The following CSMD1 variants were observed in gnomAD, a reference collection of about 807,000 sequenced individuals.
The protein encoded by CSMD1 is CUB and Sushi multiple domains 1, also known as CUB and sushi domain-containing protein 1.
In CSMD1, 213 loss-of-function variants were observed where a neutral mutation model predicts 417.5. That is an observed-to-expected ratio of 0.51 (90% CI 0.46 to 0.57). The LOEUF is 0.57. Ranked by LOEUF, CSMD1 falls within the 20% of genes least tolerant of loss-of-function variation. The pLI, the probability that CSMD1 is intolerant of heterozygous loss-of-function variation, is 0.00. For synonymous variants in CSMD1, 2,862 were observed against 1,736.8 expected (o/e 1.65, Z -16.11); for missense variants, 6,923 against 4,529.7 (o/e 1.53, Z -15.17).
At chr8:4,033,188 C>T (rs918807810) in intron 3 of CSMD1, among the ~76,000 whole-genome samples, 2 of 148,068 alleles carry the variant, frequency 1.4e-5, no homozygotes, top group Non-Finnish European at 3.0e-5. Flanking sequence ...CGCCTGTAGT[C>T]CCAGCACTTT....
At chr8:3,927,797 T>G (rs1044690196) in intron 5 of CSMD1, among the ~76,000 whole-genome samples, 3 of 152,174 alleles carry the variant, frequency 2.0e-5, no homozygotes, top group African/African-American at 7.2e-5. Context: ...CTACCAAATA[T>G]TTTAGTTTTA....
intron 3 of CSMD1, among the ~76,000 whole-genome samples, chr8:4,108,241 A>G (rs946082692): frequency 6.6e-6 from 1 of 152,124 alleles, no homozygotes; most frequent in Non-Finnish European, 1.5e-5. Context: ...TTTAATATTT[A>G]ATTTCTATAG....
chr8:4,118,880 G>C (rs1050268357), intron 3 of CSMD1, among the ~76,000 whole-genome samples: 2 of 152,148 alleles, frequency 1.3e-5, no homozygotes, highest in Non-Finnish European at 2.9e-5. Context: ...AAGAAATGTG[G>C]CACATATACA....
intron 1 of CSMD1, among the ~76,000 whole-genome samples, chr8:4,666,224 T>G (rs1174488659): frequency 1.3e-5 from 2 of 152,126 alleles, no homozygotes; most frequent in Non-Finnish European, 2.9e-5. Context: ...ATATATTATT[T>G]AATGTGGTGG....
At chr8:4,318,860 G>T (rs1218320846) in intron 3 of CSMD1, among the ~76,000 whole-genome samples, 1 of 152,122 alleles carries the variant, frequency 6.6e-6, no homozygotes, top group Non-Finnish European at 1.5e-5. Flanking sequence ...TTACAAGATA[G>T]ATAACATCAG....
At chr8:3,028,084 G>A (rs1249273840) in intron 51 of CSMD1, among the ~76,000 whole-genome samples, 1 of 152,194 alleles carries the variant, frequency 6.6e-6, no homozygotes, top group Admixed American at 6.5e-5. Context: ...ACAAGAAAAC[G>A]CTGTACTGCG....
chr8:4,281,785 G>A (rs970145599), intron 3 of CSMD1, among the ~76,000 whole-genome samples: 2 of 152,026 alleles, frequency 1.3e-5, no homozygotes, highest in Admixed American at 6.5e-5. Context: ...AGTGATAACT[G>A]TATTAAAACT....
At chr8:4,638,470 C>T (rs1250901228) in intron 1 of CSMD1, among the ~76,000 whole-genome samples, 2 of 152,100 alleles carry the variant, frequency 1.3e-5, no homozygotes, top group Non-Finnish European at 2.9e-5. Context: ...AGTTAAATGA[C>T]GCTAAAATGA....
chr8:4,182,104 A>G (rs75050679), intron 3 of CSMD1, among the ~76,000 whole-genome samples: 1 of 152,104 alleles, frequency 6.6e-6, no homozygotes, highest in South Asian at 2.1e-4. Flanking sequence ...TAGCATTTCA[A>G]TGCTAAAACT....
At chr8:4,459,024 C>G (rs1343992159) in intron 2 of CSMD1, among the ~76,000 whole-genome samples, 1 of 152,216 alleles carries the variant, frequency 6.6e-6, no homozygotes, top group South Asian at 2.1e-4. Flanking sequence ...AGCCTGCTTT[C>G]TTCCCCTTAT....
chr8:3,120,055 T>G (rs1817107671), intron 41 of CSMD1, among the ~76,000 whole-genome samples: 1 of 152,210 alleles, frequency 6.6e-6, no homozygotes, highest in African/African-American at 2.4e-5. Context: ...GCCTGTAGTT[T>G]GGAAACTTGT....
chr8:4,872,228 A>G (rs1802775454), intron 1 of CSMD1, among the ~76,000 whole-genome samples: 3 of 152,202 alleles, frequency 2.0e-5, no homozygotes, highest in Admixed American at 2.0e-4. Flanking sequence ...AGTTGGGACG[A>G]CAATATTTAC....
intron 23 of CSMD1, among the ~76,000 whole-genome samples, chr8:3,320,003 T>A (rs914054231): frequency 6.6e-6 from 1 of 152,146 alleles, no homozygotes; most frequent in Non-Finnish European, 1.5e-5. Flanking sequence ...ACCAAGTGAA[T>A]AGACCGGGCC....
intron 8 of CSMD1, among the ~76,000 whole-genome samples, chr8:3,594,147 C>T (rs1214901417): frequency 1.3e-5 from 2 of 152,158 alleles, no homozygotes; most frequent in Admixed American, 6.5e-5. Flanking sequence ...TTTCCATGGG[C>T]CTCTGCTATG....
chr8:3,947,292 G>A (rs1023110821), intron 5 of CSMD1, among the ~76,000 whole-genome samples: 2 of 152,046 alleles, frequency 1.3e-5, no homozygotes, highest in Non-Finnish European at 2.9e-5. Context: ...GATTATGTAT[G>A]CAGCTTTTAA....
intron 5 of CSMD1, among the ~76,000 whole-genome samples, chr8:3,987,560 G>C (rs1003247120): frequency 2.0e-5 from 3 of 152,142 alleles, no homozygotes; most frequent in African/African-American, 7.2e-5. Context: ...CAGCTACGAA[G>C]GGGAGGAACA....
At chr8:4,525,641 A>T (rs375738715) in intron 2 of CSMD1, among the ~76,000 whole-genome samples, 42 of 152,268 alleles carry the variant, frequency 2.8e-4, no homozygotes, top group African/African-American at 9.9e-4. Flanking sequence ...TTTTGTCATT[A>T]CTTTTAAATG....
chr8:3,930,637 G>A (rs1330981207), intron 5 of CSMD1, among the ~76,000 whole-genome samples: 2 of 150,268 alleles, frequency 1.3e-5, no homozygotes, highest in African/African-American at 4.9e-5. Flanking sequence ...GGTTATAAGT[G>A]ACCCTGTCTC....
chr8:3,310,188 G>T (rs979178626), intron 23 of CSMD1, among the ~76,000 whole-genome samples: 2 of 152,150 alleles, frequency 1.3e-5, no homozygotes, highest in African/African-American at 4.8e-5. Context: ...TCATCTCACT[G>T]CATAATGCCA....
Sources: gnomAD v4.1 joint callset for allele counts (sites outside exome capture counted in the v4.1 genomes callset) on GRCh38, gnomAD v4.1.1 for gene constraint, MANE v1.5 for transcripts, NCBI Gene and HGNC (gene_info 2026-07-23, HGNC 2026-07-21) for gene names.